The following TRPM6 variants were observed in gnomAD, a reference collection of about 807,000 sequenced individuals.
TRPM6 encodes the protein channel kinase 2.
TRPM6 carries 111 observed loss-of-function variants against 247.6 expected under a neutral mutation model. That is an observed-to-expected ratio of 0.45 (90% CI 0.38 to 0.52). The LOEUF (loss-of-function observed/expected upper bound fraction) is 0.52. Ranked by LOEUF, TRPM6 falls within the 20% of genes least tolerant of loss-of-function variation. The probability of loss-of-function intolerance (pLI) is 0.00; values close to 1 mark genes in which losing one functional copy is unlikely to be tolerated. For missense variants in TRPM6, 2,126 were observed against 2,421.5 expected (o/e 0.88, Z 2.56); for synonymous variants, 892 against 853.8 (o/e 1.04, Z -0.78).
At position 74,839,905 on chromosome 9, in the gene TRPM6, G is replaced by GGAGGGAGGGAGA. The variant is rs1554723345; in HGVS notation, c.544+118_544+119insTCTCCCTCCCTC. On this transcript the variant is annotated intron_variant, in intron 5 of 38. Transcript: ENST00000360774. ...AGGAAGGAAGGAAGGAGGGAGGGAG[G>GGAGGGAGGGAGA]GAGGGAGGGAGGGAAAGAAAAGAAA... 0.01 allele frequency: 5,340 copies of GGAGGGAGGGAGA among 519,354 alleles called. 603 individuals carry two copies. In the African/African-American group the frequency reaches 0.15, roughly 14 times the overall value. 32.2% of individuals were successfully genotyped at this position (519,354 alleles called of 1,614,324 possible). A position where few individuals can be genotyped will look rare whatever the true frequency, so the allele number is the denominator to read the frequency against.
intron 1 of TRPM6, among the ~76,000 whole-genome samples, chr9:74,886,238 A>G (rs1831524473): frequency 6.6e-6 from 1 of 152,212 alleles, no homozygotes; most frequent in South Asian, 2.1e-4. Context: ...CTCCTACCCT[A>G]GATGGTTACC....
At chr9:74,877,703 A>T (rs1831235473) in intron 1 of TRPM6, among the ~76,000 whole-genome samples, 1 of 152,176 alleles carries the variant, frequency 6.6e-6, no homozygotes, top group African/African-American at 2.4e-5. Flanking sequence ...CCACACATTT[A>T]AAAATGCCCT....
chr9:74,756,442 C>T (rs138126703), intron 27 of TRPM6, among the ~76,000 whole-genome samples: 107 of 151,850 alleles, frequency 7.0e-4, no homozygotes, highest in Middle Eastern at 3.4e-3. Flanking sequence ...AACTTCCAAA[C>T]GAAATATAAA....
At chr9:74,861,491 G>C (rs1830689106) in intron 1 of TRPM6, among the ~76,000 whole-genome samples, 1 of 152,184 alleles carries the variant, frequency 6.6e-6, no homozygotes, top group Admixed American at 6.5e-5. Flanking sequence ...GTAGAAGCCT[G>C]TATAGACAAA....
At position 74,858,752 on chromosome 9, in the gene TRPM6, AAAAG is replaced by A; in HGVS notation, c.34-8_34-5del. On this transcript the variant is annotated splice_polypyrimidine_tract_variant and splice_region_variant and intron_variant, in intron 1 of 38. Transcript: ENST00000360774. ...CTTTAATCCAGGATTTCTGGGACTAAAAAGAAAGTGTCATTATTTTATACTCTAA... is the reference window on the plus strand; with the variant it reads ...CTTTAATCCAGGATTTCTGGGACTAAAAAGTGTCATTATTTTATACTCTAA... 2.5e-6 allele frequency: 4 copies of A among 1,607,256 alleles called. No homozygotes were observed. The highest frequency in any genetic ancestry group is 2.6e-6 in the Non-Finnish European group (3 of 1,174,078).
At position 74,792,663 on chromosome 9, in the gene TRPM6, C is replaced by T. The variant is rs2118974767; in HGVS notation, c.2499G>A (p.Glu833=). The T allele has an allele frequency of 1.2e-6, 2 of 1,614,156 alleles. No individual in the cohort carries two copies. Among genetic ancestry groups the T allele is most frequent in the South Asian group, 2.2e-5 (2 of 91,082 alleles). The change falls in exon 19 of 39, where the codon GAG becomes GAA. Residue 833 remains glutamate, a synonymous_variant. Coordinates refer to ENST00000360774, the MANE Select transcript of TRPM6 (RefSeq NM_017662.5). ...ACTTGACAATTGGAGCACTGTAGAA[C>T]TCATAGACTTTCCTGGTCCACGGAA... The part of the protein sequence containing the change: ...QHLPWTRKVY[E]FYSAPIVKFW...
intron 13 of TRPM6, among the ~76,000 whole-genome samples, chr9:74,809,997 A>C (rs940290847): frequency 1.3e-5 from 2 of 151,220 alleles, no homozygotes; most frequent in African/African-American, 4.8e-5. Flanking sequence ...AAAAAAAAAA[A>C]AAAAACAAGG....
chr9:74,744,265 C>T (rs560031598), intron 31 of TRPM6, 120 bp from the exon 32 acceptor site: 63 of 1,106,824 alleles, frequency 5.7e-5, no homozygotes, highest in South Asian at 1.3e-4. Flanking sequence ...TCTCAGTATT[C>T]GAAAAAGCTT....
chr9:74,741,165 C>T (rs1194390689), intron 33 of TRPM6, among the ~76,000 whole-genome samples: 1 of 152,156 alleles, frequency 6.6e-6, no homozygotes, highest in Non-Finnish European at 1.5e-5. Context: ...TGCTACATAG[C>T]TTCCACTTTT....
At position 74,803,831 on chromosome 9, in the gene TRPM6, G is replaced by C; in HGVS notation, c.1694C>G (p.Ser565Cys). 2 of 1,613,688 alleles carry C rather than the reference G, an allele frequency of 1.2e-6. No individual in the cohort carries two copies. Among genetic ancestry groups the C allele is most frequent in the South Asian group, 1.1e-5 (1 of 91,060 alleles). Reference sequence around the variant, plus strand: ...TGGCTGTGCAGTTCTAATGAACTGGGAGTGCAGCGTACTTTCTGCAGACTC... The same window carrying C: ...TGGCTGTGCAGTTCTAATGAACTGGCAGTGCAGCGTACTTTCTGCAGACTC... ...RNESAESTLH[S>C]QFIRTAQPYK... Residue 565 changes from serine (S) to cysteine (C), a missense_variant, in exon 15 of 39, where the codon TCC (serine) becomes TGC (cysteine). Ser to Cys is a moderately radical substitution (Grantham distance 112, BLOSUM62 -1). This residue lies in a region of TRPM6 where 1,082 missense variants were observed against 1,307.9 expected (regional missense o/e 0.83). Coordinates refer to ENST00000360774, the MANE Select transcript of TRPM6 (RefSeq NM_017662.5).
chr9:74,876,155 C>T (rs542419597), intron 1 of TRPM6, among the ~76,000 whole-genome samples: 47 of 152,332 alleles, frequency 3.1e-4, no homozygotes, highest in African/African-American at 1.1e-3. Flanking sequence ...ATGATCACAG[C>T]TCACTGCAAC....
intron 23 of TRPM6, 154 bp from the exon 24 acceptor site, chr9:74,776,230 C>T (rs1366880377): frequency 1.4e-6 from 1 of 700,876 alleles, no homozygotes; most frequent in Non-Finnish European, 2.6e-6. Flanking sequence ...TCTTCTTCCA[C>T]CAAACAAAAT....
chr9:74,764,995 A>G (rs79789924), intron 25 of TRPM6, among the ~76,000 whole-genome samples: 106 of 152,310 alleles, frequency 7.0e-4, no homozygotes, highest in Middle Eastern at 3.4e-3. Flanking sequence ...TCATAACAGC[A>G]TTTGTTTTAA....
intron 38 of TRPM6, among the ~76,000 whole-genome samples, chr9:74,726,049 C>T (rs1825309981): frequency 6.6e-6 from 1 of 152,116 alleles, no homozygotes; most frequent in East Asian, 1.9e-4. Context: ...CGTAGTCAAA[C>T]AAAAATGAAA....
chr9:74,860,119 C>G (rs1830651174), intron 1 of TRPM6, among the ~76,000 whole-genome samples: 1 of 152,050 alleles, frequency 6.6e-6, no homozygotes, highest in Non-Finnish European at 1.5e-5. Flanking sequence ...AGGAGAAAAA[C>G]AGAGATTAGT....
intron 38 of TRPM6, among the ~76,000 whole-genome samples, chr9:74,725,039 A>G (rs1825269893): frequency 1.3e-5 from 2 of 152,176 alleles, no homozygotes; most frequent in African/African-American, 4.8e-5. Flanking sequence ...GCCAGAGTTA[A>G]GTAAGACCAA....
At chr9:74,796,596 C>A in intron 18 of TRPM6, 145 bp downstream of exon 18, 1 of 774,882 alleles carries the variant, frequency 1.3e-6, no homozygotes, top group Non-Finnish European at 2.2e-6. Context: ...ATAATGTACC[C>A]CAGGACCATA....
intron 1 of TRPM6, among the ~76,000 whole-genome samples, chr9:74,874,495 T>C (rs201773807): frequency 1.3e-5 from 2 of 152,192 alleles, no homozygotes; most frequent in East Asian, 3.9e-4. Flanking sequence ...ACCCATATAA[T>C]GCCTTTCTTT....
chr9:74,724,511 C>G lies in TRPM6; in HGVS notation c.*102G>C. The G allele has an allele frequency of 6.4e-7, 1 of 1,552,966 alleles. No homozygotes were observed. Among genetic ancestry groups the G allele is most frequent in the Non-Finnish European group, 8.9e-7 (1 of 1,127,072 alleles). On this transcript the variant is annotated 3_prime_UTR_variant, in exon 39 of 39. Coordinates refer to ENST00000360774, the MANE Select transcript of TRPM6 (RefSeq NM_017662.5). ...GATGTGAGGCTCAGAAGGCGTGTCC[C>G]AAGGAGACGCTGATGTAATCAACAT...
Sources: allele counts gnomAD v4.1 joint callset (sites outside exome capture counted in the v4.1 genomes callset), GRCh38; gene constraint gnomAD v4.1.1; regional missense constraint gnomAD v4.1.1; transcripts MANE v1.5; gene names NCBI Gene and HGNC (gene_info 2026-07-23, HGNC 2026-07-21).